The following OXR1 variants were observed in gnomAD, a reference collection of about 807,000 sequenced individuals.
OXR1 encodes oxidation resistance protein 1.
Under a neutral mutation model 104.6 loss-of-function variants are expected in OXR1, and 41 were observed. The observed-to-expected ratio is 0.39, with a 90% confidence interval of 0.31 to 0.51. The LOEUF (loss-of-function observed/expected upper bound fraction) is 0.51. Ranked by LOEUF, OXR1 falls within the 20% of genes least tolerant of loss-of-function variation. The probability of loss-of-function intolerance (pLI) is 0.77; values close to 1 mark genes in which losing one functional copy is unlikely to be tolerated. For synonymous variants in OXR1, 348 were observed against 348.4 expected (o/e 1.00, Z 0.01); for missense variants, 955 against 1,031.9 (o/e 0.93, Z 1.02).
At chr8:106,545,791 A>T (rs1026620240) in intron 3 of OXR1, among the ~76,000 whole-genome samples, 7 of 152,002 alleles carry the variant, frequency 4.6e-5, no homozygotes, top group African/African-American at 1.7e-4. Context: ...TAAGCCCAAG[A>T]GTTTGAGATT....
At chr8:106,547,402 T>G (rs1448160857) in intron 3 of OXR1, among the ~76,000 whole-genome samples, 1 of 152,164 alleles carries the variant, frequency 6.6e-6, no homozygotes, top group East Asian at 1.9e-4. Context: ...ACCCAGCATT[T>G]GTTCATTTGT....
At chr8:106,598,743 A>G (rs1285852413) in intron 3 of OXR1, among the ~76,000 whole-genome samples, 1 of 152,256 alleles carries the variant, frequency 6.6e-6, no homozygotes, top group Non-Finnish European at 1.5e-5. Flanking sequence ...TCATATTTAC[A>G]TAGTCCAGTT....
chr8:106,737,605 C>A lies in OXR1; in HGVS notation c.2037+5C>A. On this transcript the variant is annotated splice_donor_5th_base_variant and intron_variant, in intron 12 of 16. Coordinates refer to ENST00000517566, the MANE Select transcript of OXR1 (RefSeq NM_001198533.2). Reference sequence around the variant, plus strand: ...ACACTCTGCAGACGCCTCCAGGTGCCCCCTTCAGTAGTTTAAACCCCTCCA... The same window carrying A: ...ACACTCTGCAGACGCCTCCAGGTGCACCCTTCAGTAGTTTAAACCCCTCCA... The A allele has an allele frequency of 2.2e-6, 3 of 1,353,650 alleles. No homozygotes were observed. Among genetic ancestry groups the A allele is most frequent in the Non-Finnish European group, 1.9e-6 (2 of 1,030,222 alleles). 83.9% of individuals were successfully genotyped at this position (1,353,650 alleles called of 1,614,324 possible).
chr8:106,673,012 T>C (rs148691785), intron 3 of OXR1, among the ~76,000 whole-genome samples: 105 of 152,164 alleles, frequency 6.9e-4, no homozygotes, highest in African/African-American at 2.0e-3. Context: ...ATACAGTAAA[T>C]TGGAACTACA....
chr8:106,646,964 G>T (rs1254884047), intron 3 of OXR1, among the ~76,000 whole-genome samples: 7 of 152,194 alleles, frequency 4.6e-5, no homozygotes, highest in Non-Finnish European at 1.0e-4. Flanking sequence ...AGCTCCAGAA[G>T]CTGCCACATT....
intron 16 of OXR1, among the ~76,000 whole-genome samples, chr8:106,746,794 G>A (rs770160679): frequency 2.6e-5 from 4 of 151,010 alleles, no homozygotes; most frequent in South Asian, 4.2e-4. Flanking sequence ...ATACCTTTTG[G>A]GGGGGGTATC....
intron 9 of OXR1, among the ~76,000 whole-genome samples, chr8:106,710,014 G>T (rs1563734237): frequency 6.6e-6 from 1 of 152,026 alleles, no homozygotes; most frequent in East Asian, 1.9e-4. Flanking sequence ...CAATGTCTGG[G>T]TTCCTAAATT....
chr8:106,709,575 G>A (rs1254482376), intron 9 of OXR1, among the ~76,000 whole-genome samples: 2 of 151,690 alleles, frequency 1.3e-5, no homozygotes, highest in African/African-American at 2.4e-5. Flanking sequence ...ATGATGTGGT[G>A]GACCAATTTT....
intron 2 of OXR1, among the ~76,000 whole-genome samples, chr8:106,493,042 G>A (rs1001927950): frequency 1.3e-5 from 2 of 152,074 alleles, no homozygotes; most frequent in Non-Finnish European, 2.9e-5. Context: ...CAGGCTAGGA[G>A]ACTTTTTTTT....
At chr8:106,302,025 A>T (rs374424716) in intron 1 of OXR1, among the ~76,000 whole-genome samples, 1 of 152,220 alleles carries the variant, frequency 6.6e-6, no homozygotes, top group African/African-American at 2.4e-5. Context: ...GATAATAGGG[A>T]TAAGAAAGGA....
chr8:106,667,021 C>A (rs1020987020), intron 3 of OXR1, among the ~76,000 whole-genome samples: 2 of 152,124 alleles, frequency 1.3e-5, no homozygotes, highest in Admixed American at 1.3e-4. Context: ...CAAGTACTCA[C>A]AAGACAGATG....
chr8:106,433,223 G>T (rs1250536851), intron 2 of OXR1, among the ~76,000 whole-genome samples: 14 of 152,170 alleles, frequency 9.2e-5, no homozygotes, highest in Non-Finnish European at 1.5e-5. Context: ...GGGGGCCAAA[G>T]TTAGGTTTTC....
chr8:106,274,693 GA>G (rs1811965399), intron 1 of OXR1, among the ~76,000 whole-genome samples: 1 of 148,532 alleles, frequency 6.7e-6, no homozygotes, highest in South Asian at 2.1e-4. Context: ...ACCTGTCTTG[GA>G]AAAAGGCAGT....
intron 2 of OXR1, among the ~76,000 whole-genome samples, chr8:106,497,608 C>A (rs1811497329): frequency 6.6e-6 from 1 of 152,146 alleles, no homozygotes; most frequent in Admixed American, 6.5e-5. Context: ...TTACTGGAGT[C>A]TTAGCCACTA....
At chr8:106,577,055 C>T (rs1244900064) in intron 3 of OXR1, among the ~76,000 whole-genome samples, 1 of 152,034 alleles carries the variant, frequency 6.6e-6, no homozygotes, top group Non-Finnish European at 1.5e-5. Flanking sequence ...AATGTATGAG[C>T]TTTAATAATA....
At chr8:106,583,565 T>C (rs760564121) in intron 3 of OXR1, among the ~76,000 whole-genome samples, 8 of 152,114 alleles carry the variant, frequency 5.3e-5, no homozygotes, top group Non-Finnish European at 8.8e-5. Flanking sequence ...AAGGATTTTC[T>C]AAGAAGACAT....
At chr8:106,625,085 C>A (rs1213643187) in intron 3 of OXR1, among the ~76,000 whole-genome samples, 2 of 152,182 alleles carry the variant, frequency 1.3e-5, no homozygotes, top group Admixed American at 6.5e-5. Flanking sequence ...AGCCACTGCA[C>A]CTGGCCAAGC....
At chr8:106,351,899 A>G (rs1251443885) in intron 1 of OXR1, among the ~76,000 whole-genome samples, 3 of 152,200 alleles carry the variant, frequency 2.0e-5, no homozygotes, top group African/African-American at 7.2e-5. Context: ...TATTTTACAA[A>G]TGAAGAAATA....
chr8:106,415,673 C>A (rs1818647481), intron 2 of OXR1, among the ~76,000 whole-genome samples: 1 of 151,712 alleles, frequency 6.6e-6, no homozygotes, highest in Admixed American at 6.6e-5. Context: ...TTATAAGACA[C>A]ACTCTTTTTA....
Sources: gnomAD v4.1 joint callset for allele counts (sites outside exome capture counted in the v4.1 genomes callset) on GRCh38, gnomAD v4.1.1 for gene constraint, MANE v1.5 for transcripts, NCBI Gene and HGNC (gene_info 2026-07-23, HGNC 2026-07-21) for gene names.